Variants in IFT140 observed in about 807,000 individuals in gnomAD.
IFT140 encodes the protein intraflagellar transport protein 140 homolog.
IFT140 carries 133 observed loss-of-function variants against 164.6 expected under a neutral mutation model. The ratio of observed to expected loss-of-function variants is 0.81; its 90% CI spans 0.70 to 0.93. The LOEUF is 0.93. Ranked by LOEUF, IFT140 falls within the 40% of genes least tolerant of loss-of-function variation. The pLI, the probability that IFT140 is intolerant of heterozygous loss-of-function variation, is 0.00. For synonymous variants in IFT140, 860 were observed against 817.3 expected, an observed-to-expected ratio of 1.05 and a Z score of -0.89; for missense variants, 2,045 against 1,972.3, an observed-to-expected ratio of 1.04 and a Z score of -0.70.
rs1318710368 is a variant in IFT140, at chr16:1,564,856, G to A, written c.1902-694C>T. On this transcript the variant is annotated intron_variant, in intron 16 of 30. Coordinates refer to ENST00000426508, the MANE Select transcript of IFT140 (RefSeq NM_014714.4). This position sits in a 1 kb window ranked among gnomAD's most constrained non-coding sequence, Gnocchi z 5.5. ...AGGACCCGGTGCTGCAGGACATGAA[G>A]ATCCCCTAGTAAGCCACTGCACCCA... Among the ~76,000 whole-genome samples the A allele has an allele frequency of 6.6e-6, 1 of 152,212 alleles. No individual in the cohort carries two copies. The highest frequency in any genetic ancestry group is 1.9e-4 in the East Asian group (1 of 5,198).
In IFT140 at chr16:1,518,323, G is replaced by A; in HGVS notation, c.4075C>T (p.Gln1359Ter). The change falls in exon 30 of 31, where the codon CAG (glutamine) becomes TAG (stop). Residue 1359 changes from glutamine (Q) to a stop codon, truncating the protein, a stop_gained. Transcript: ENST00000426508. LOFTEE classifies it high-confidence loss of function. Reference protein sequence around the residue: ...YTEDPKESIKQCELLLEEPDL... With the variant: ...YTEDPKESIK The stretch of plus-strand genomic sequence containing the variant: ...GGTTCCTCCAGGAGCAGCTCACACT[G>A]CTTGATGGACTCCTTGGGGTCCTCT... 6.2e-7 allele frequency: 1 copy of A among 1,614,114 alleles called. No homozygotes were observed. The highest frequency in any genetic ancestry group is 8.5e-7 in the Non-Finnish European group (1 of 1,180,022).
chr16:1,538,585 C>G (rs1432753887), intron 19 of IFT140, among the ~76,000 whole-genome samples: 4 of 152,234 alleles, frequency 2.6e-5, no homozygotes, highest in African/African-American at 9.6e-5. Context: ...AGCTGCTCCT[C>G]TCTCGAACAT....
At position 1,524,877 on chromosome 16, in the gene IFT140, C is replaced by G; in HGVS notation, c.2904G>C (p.Gln968His). ...AGTGCAGCGCGGCGTCCATCTCGCCCTGGCTCTCCAGGTACTGCGCCCACC... is the reference window on the plus strand; with the variant it reads ...AGTGCAGCGCGGCGTCCATCTCGCCGTGGCTCTCCAGGTACTGCGCCCACC... ...WRWWAQYLESQGEMDAALHYY... is the reference protein window; with the variant it reads ...WRWWAQYLESHGEMDAALHYY... Residue 968 changes from glutamine to histidine, a missense_variant, in exon 23 of 31, where the codon CAG (glutamine) becomes CAC (histidine). Physicochemically the swap from Gln to His is conservative, Grantham distance 24. Transcript: ENST00000426508. 1 of 1,612,268 alleles carries G rather than the reference C, an allele frequency of 6.2e-7. No homozygotes were observed. The highest frequency in any genetic ancestry group is 8.5e-7 in the Non-Finnish European group (1 of 1,179,350).
At position 1,520,591 on chromosome 16, in the gene IFT140, G is replaced by T; in HGVS notation, c.3660+11C>A. ...TGAGGTAGCCGCGGGCTGGGGCCGG[G>T]AGAGGCTCACCTTCAGCTTGTTGCC... is the stretch of plus-strand genomic sequence containing the variant. On this transcript the variant is annotated intron_variant, in intron 27 of 30. Coordinates refer to ENST00000426508, the MANE Select transcript of IFT140 (RefSeq NM_014714.4). The T allele has an allele frequency of 6.4e-7, 1 of 1,564,360 alleles. No homozygotes were observed. The highest frequency in any genetic ancestry group is 2.4e-5 in the East Asian group (1 of 42,244).
At chr16:1,513,750 T>C (rs1486813658) in intron 30 of IFT140, among the ~76,000 whole-genome samples, 1 of 150,324 alleles carries the variant, frequency 6.7e-6, no homozygotes, top group Non-Finnish European at 1.5e-5. Context: ...CTCTGCTCAC[T>C]GCAAGCTCCG....
intron 30 of IFT140, among the ~76,000 whole-genome samples, chr16:1,513,683 TTC>T (rs2040246242): frequency 6.6e-6 from 1 of 151,118 alleles, no homozygotes; most frequent in African/African-American, 2.4e-5. Context: ...TTTTTTTTTT[TTC>T]TTTTTTGAGA....
chr16:1,565,168 G>C (rs1427188734), intron 16 of IFT140, among the ~76,000 whole-genome samples: 1 of 152,234 alleles, frequency 6.6e-6, no homozygotes, highest in East Asian at 1.9e-4. Flanking sequence ...TGAATGAAAA[G>C]ACATTTTGGT....
At chr16:1,591,778 C>T (rs2035194918) in intron 6 of IFT140, among the ~76,000 whole-genome samples, 1 of 152,180 alleles carries the variant, frequency 6.6e-6, no homozygotes, top group Admixed American at 6.5e-5. Flanking sequence ...GCTCACACCT[C>T]ATTCCCACAC....
At chr16:1,574,661 C>T (rs1331462750) in intron 13 of IFT140, among the ~76,000 whole-genome samples, 1 of 152,174 alleles carries the variant, frequency 6.6e-6, no homozygotes, top group Non-Finnish European at 1.5e-5. Context: ...TAGCTTCAAC[C>T]CCAACTGCCC....
At position 1,533,250 on chromosome 16, in the gene IFT140, G is replaced by A. The variant is rs1443248291; in HGVS notation, c.2400-6454C>T. On this transcript the variant is annotated intron_variant, in intron 19 of 30. Coordinates refer to ENST00000426508, the MANE Select transcript of IFT140 (RefSeq NM_014714.4). This position sits in a 1 kb window ranked among gnomAD's most constrained non-coding sequence, Gnocchi z 4.7. Reference sequence around the variant, plus strand: ...CTGTGATATCTGCCCCCCTTTTGAGGGCAGCATTCCCGTGGCGGGGGCAGG... The same window carrying A: ...CTGTGATATCTGCCCCCCTTTTGAGAGCAGCATTCCCGTGGCGGGGGCAGG... 1 of 152,234 alleles carries A rather than the reference G, an allele frequency of 6.6e-6. No homozygotes were observed. The highest frequency in any genetic ancestry group is 2.4e-5 in the African/African-American group (1 of 41,400). 9.4% of individuals were successfully genotyped at this position (152,234 alleles called of 1,614,324 possible). A position where few individuals can be genotyped will look rare whatever the true frequency, so the allele number is the denominator to read the frequency against.
At chr16:1,558,846 T>C (rs1209404595) in intron 18 of IFT140, among the ~76,000 whole-genome samples, 2 of 152,244 alleles carry the variant, frequency 1.3e-5, no homozygotes, top group African/African-American at 2.4e-5. Flanking sequence ...CCTGGTCTTG[T>C]ATCTGCTATT....
chr16:1,561,993 T>C lies in IFT140; in HGVS notation c.2191A>G (p.Thr731Ala). The C allele has an allele frequency of 6.2e-7, 1 of 1,601,250 alleles. No individual in the cohort carries two copies. The highest frequency in any genetic ancestry group is 8.5e-7 in the Non-Finnish European group (1 of 1,174,792). The change falls in exon 18 of 31, where the codon ACA becomes GCA. Residue 731 changes from threonine (T) to alanine (A), a missense_variant. Coordinates refer to ENST00000426508, the MANE Select transcript of IFT140 (RefSeq NM_014714.4). ...ATGTCGTGGCTTCGTACCTTTCTTG[T>C]GAAGTAGTAATAAGGCACTTCCATC... ...LGMEVPYYYF[T>A]RKPEEADRED...
chr16:1,511,520 C>T (rs973600624), intron 30 of IFT140, among the ~76,000 whole-genome samples: 3 of 151,922 alleles, frequency 2.0e-5, no homozygotes, highest in Non-Finnish European at 4.4e-5. Context: ...TCGAGTCTTG[C>T]GGGTGGACAT....
At chr16:1,525,009 A>T (rs1279719427) in intron 22 of IFT140, 93 bp from the exon 23 acceptor site, 1 of 1,493,622 alleles carries the variant, frequency 6.7e-7, no homozygotes, top group African/African-American at 1.4e-5. Context: ...CTTAGAGTGC[A>T]TGTCACCTGA....
rs138364426 is a variant in IFT140, at chr16:1,519,871, G to A, written c.4040+10C>T. 4.5e-3 allele frequency: 6,831 copies of A among 1,522,378 alleles called. 30 individuals are homozygous for A. The highest frequency in any genetic ancestry group is 0.01 in the South Asian group (790 of 76,586). 94.3% of individuals were successfully genotyped at this position (1,522,378 alleles called of 1,614,324 possible). A position where few individuals can be genotyped will look rare whatever the true frequency, so the allele number is the denominator to read the frequency against. On this transcript the variant is annotated intron_variant, in intron 29 of 30. Transcript: ENST00000426508. ...GCCCTGGCCTGTCCCCGCTGGCCCC[G>A]GGGGCACACCTGCGGGCCTGGATGA...
At chr16:1,538,513 C>T (rs943485780) in intron 19 of IFT140, among the ~76,000 whole-genome samples, 4 of 152,170 alleles carry the variant, frequency 2.6e-5, no homozygotes, top group African/African-American at 7.2e-5. Flanking sequence ...TCCCTCCTCC[C>T]CCTTCATTCT....
chr16:1,512,247 G>A (rs1242967997), intron 30 of IFT140, among the ~76,000 whole-genome samples: 1 of 150,464 alleles, frequency 6.6e-6, no homozygotes, highest in Middle Eastern at 3.2e-3. Flanking sequence ...AGGTGGGTGA[G>A]GGGCGGTGGA....
intron 29 of IFT140, 37 bp from the exon 30 acceptor site, chr16:1,518,394 C>T (rs774810522): frequency 1.3e-6 from 2 of 1,593,104 alleles, no homozygotes; most frequent in South Asian, 2.2e-5. Context: ...GCCCCGAAGC[C>T]CTGAACACCT....
intron 2 of IFT140, 97 bp from the exon 3 acceptor site, chr16:1,607,394 A>G: frequency 1.8e-6 from 2 of 1,111,990 alleles, no homozygotes; most frequent in Non-Finnish European, 2.5e-6. Context: ...TCCCAAAGCC[A>G]CCATCGGAAG....
Sources: allele counts gnomAD v4.1 joint callset (sites outside exome capture counted in the v4.1 genomes callset), GRCh38; gene constraint gnomAD v4.1.1; non-coding constraint Gnocchi (gnomAD v3.1); transcripts MANE v1.5; gene names NCBI Gene and HGNC (gene_info 2026-07-23, HGNC 2026-07-21).